Variants in CCSER2 observed in about 807,000 individuals in gnomAD.
The protein encoded by CCSER2 is serine-rich coiled-coil domain-containing protein 2.
A neutral mutation model predicts 92.3 loss-of-function variants in CCSER2; 46 were observed. That is an observed-to-expected ratio of 0.50 (90% confidence interval 0.39 to 0.64). The LOEUF (loss-of-function observed/expected upper bound fraction) is 0.64, where lower values mean the gene tolerates loss of function less well. Ranked by LOEUF, CCSER2 falls within the 30% of genes least tolerant of loss-of-function variation. CCSER2 has a pLI of 0.00. For synonymous variants in CCSER2, 433 were observed against 431.4 expected, an observed-to-expected ratio of 1.00 and a Z score of -0.04; for missense variants, 1,244 against 1,238.9, an observed-to-expected ratio of 1.00 and a Z score of -0.06.
At chr10:84,493,653 T>G (rs1436723557) in intron 9 of CCSER2, among the ~76,000 whole-genome samples, 1 of 152,170 alleles carries the variant, frequency 6.6e-6, no homozygotes, top group Non-Finnish European at 1.5e-5. Flanking sequence ...TTCTCTTCCT[T>G]TTAAACTATA....
At chr10:84,480,839 G>A (rs1442525454) in intron 9 of CCSER2, among the ~76,000 whole-genome samples, 1 of 152,200 alleles carries the variant, frequency 6.6e-6, no homozygotes, top group Non-Finnish European at 1.5e-5. Flanking sequence ...TGTTGTATAT[G>A]TGGCATTTTA....
At chr10:84,486,991 TA>T (rs1847846663) in intron 9 of CCSER2, among the ~76,000 whole-genome samples, 1 of 152,242 alleles carries the variant, frequency 6.6e-6, no homozygotes, top group East Asian at 1.9e-4. Flanking sequence ...CACCATTTAT[TA>T]AATAGGGAAT....
At chr10:84,350,339 GT>G (rs947402934) in intron 1 of CCSER2, among the ~76,000 whole-genome samples, 7 of 151,514 alleles carry the variant, frequency 4.6e-5, no homozygotes, top group African/African-American at 1.7e-4. Context: ...AAAGCATTTC[GT>G]TTTCCTTTAT....
intron 7 of CCSER2, among the ~76,000 whole-genome samples, chr10:84,465,087 A>G (rs1846314034): frequency 6.6e-6 from 1 of 151,980 alleles, no homozygotes; most frequent in Non-Finnish European, 1.5e-5. Context: ...AGTATAATAC[A>G]TTAAGTCAGC....
intron 6 of CCSER2, among the ~76,000 whole-genome samples, chr10:84,442,949 G>T (rs1844667422): frequency 6.6e-6 from 1 of 152,168 alleles, no homozygotes; most frequent in Non-Finnish European, 1.5e-5. Context: ...GCCATATGCA[G>T]AAAACTGAAA....
chr10:84,467,825 G>A (rs540413217), intron 7 of CCSER2, among the ~76,000 whole-genome samples: 26 of 152,234 alleles, frequency 1.7e-4, no homozygotes, highest in African/African-American at 5.8e-4. Flanking sequence ...CTCACATGCA[G>A]TGAATTGCCA....
intron 4 of CCSER2, among the ~76,000 whole-genome samples, chr10:84,418,643 T>TG (rs1842991853): frequency 6.6e-6 from 1 of 152,140 alleles, no homozygotes; most frequent in African/African-American, 2.4e-5. Context: ...GCTAGAAAAA[T>TG]GCAAGGAATA....
chr10:84,355,139 A>G (rs1256296535), intron 1 of CCSER2, among the ~76,000 whole-genome samples: 1 of 151,828 alleles, frequency 6.6e-6, no homozygotes, highest in Non-Finnish European at 1.5e-5. Context: ...AATCAAAGTG[A>G]CTTTTCAAAA....
intron 7 of CCSER2, among the ~76,000 whole-genome samples, chr10:84,465,314 ATTTTTTTTTTTTTT>A (rs34510394): frequency 1.6e-4 from 8 of 49,884 alleles, no homozygotes; most frequent in Admixed American, 2.8e-4. Flanking sequence ...ACATGTAAAG[ATTTTTTTTTTTTTT>A]TTTTTTTTTT....
At chr10:84,347,978 C>T (rs376310632) in intron 1 of CCSER2, among the ~76,000 whole-genome samples, 5 of 151,750 alleles carry the variant, frequency 3.3e-5, no homozygotes, top group Admixed American at 6.6e-5. Context: ...ACTGGGCAGC[C>T]GGGCAGAGGG....
intron 3 of CCSER2, among the ~76,000 whole-genome samples, chr10:84,384,238 A>G (rs1357447924): frequency 6.6e-6 from 1 of 152,130 alleles, no homozygotes; most frequent in Non-Finnish European, 1.5e-5. Flanking sequence ...ATTCCAAAAC[A>G]TGGAGGAGGC....
At chr10:84,478,810 A>G (rs1808930240) in intron 9 of CCSER2, among the ~76,000 whole-genome samples, 1 of 152,226 alleles carries the variant, frequency 6.6e-6, no homozygotes, top group African/African-American at 2.4e-5. Flanking sequence ...GAAAGAATCA[A>G]GGAGCTTGGT....
At chr10:84,337,699 TG>T in intron 1 of CCSER2, among the ~76,000 whole-genome samples, 1 of 152,220 alleles carries the variant, frequency 6.6e-6, no homozygotes, top group East Asian at 1.9e-4. Flanking sequence ...AAAAAGTATC[TG>T]AGACAGGTCT....
intron 6 of CCSER2, among the ~76,000 whole-genome samples, chr10:84,445,880 T>C (rs957034063): frequency 1.3e-5 from 2 of 152,208 alleles, no homozygotes; most frequent in Non-Finnish European, 2.9e-5. Context: ...TCCTTTTTTG[T>C]TGTTTATTAT....
chr10:84,344,658 G>A (rs373273866), intron 1 of CCSER2, among the ~76,000 whole-genome samples: 4 of 152,140 alleles, frequency 2.6e-5, no homozygotes, highest in South Asian at 2.1e-4. Flanking sequence ...GAATTCCCAC[G>A]GTGGACAAGT....
At chr10:84,466,007 G>A (rs1273497499) in intron 7 of CCSER2, among the ~76,000 whole-genome samples, 3 of 152,204 alleles carry the variant, frequency 2.0e-5, no homozygotes, top group Admixed American at 2.0e-4. Context: ...CAAAGTGCTA[G>A]GATTACAGGC....
intron 3 of CCSER2, 74 bp from the exon 4 acceptor site, chr10:84,417,697 C>T (rs545691525): frequency 1.6e-5 from 12 of 758,936 alleles, no homozygotes; most frequent in Middle Eastern, 3.2e-4. Flanking sequence ...TCATATAGTT[C>T]GATTTTAAAA....
intron 9 of CCSER2, among the ~76,000 whole-genome samples, chr10:84,503,060 TAAAAATACGA>T (rs1238807941): frequency 5.9e-5 from 9 of 152,080 alleles, no homozygotes; most frequent in Middle Eastern, 3.4e-3. Context: ...GCATCTCTAC[TAAAAATACGA>T]AAAATTAGCG....
At chr10:84,342,997 C>T (rs1844285514) in intron 1 of CCSER2, among the ~76,000 whole-genome samples, 1 of 152,082 alleles carries the variant, frequency 6.6e-6, no homozygotes, top group African/African-American at 2.4e-5. Context: ...TTCAGCCTCC[C>T]AAGTAGCTAG....
Sources: gnomAD v4.1 joint callset for allele counts (sites outside exome capture counted in the v4.1 genomes callset) on GRCh38, gnomAD v4.1.1 for gene constraint, MANE v1.5 for transcripts, NCBI Gene and HGNC (gene_info 2026-07-23, HGNC 2026-07-21) for gene names.